Variants in SLC24A4 observed in about 807,000 individuals in gnomAD.
SLC24A4 encodes the protein sodium/potassium/calcium exchanger 4.
SLC24A4 carries 53 observed loss-of-function variants against 79.0 expected under a neutral mutation model. That is an observed-to-expected ratio of 0.67 (90% CI 0.54 to 0.84). The LOEUF is 0.84. SLC24A4 is among the 40% of genes least tolerant of loss of function. The probability of loss-of-function intolerance (pLI) is 0.00; values close to 1 mark genes in which losing one functional copy is unlikely to be tolerated. For synonymous variants in SLC24A4, 323 were observed against 323.8 expected (o/e 1.00, Z 0.03); for missense variants, 731 against 822.0 (o/e 0.89, Z 1.35).
At chr14:92,428,922 T>C (rs1294456261) in intron 2 of SLC24A4, among the ~76,000 whole-genome samples, 1 of 152,212 alleles carries the variant, frequency 6.6e-6, no homozygotes, top group African/African-American at 2.4e-5. Context: ...GAAGCCAGAC[T>C]AAGAAGGCTA....
intron 2 of SLC24A4, among the ~76,000 whole-genome samples, chr14:92,413,302 C>T (rs1205959072): frequency 2.6e-5 from 4 of 152,182 alleles, no homozygotes; most frequent in Non-Finnish European, 4.4e-5. Context: ...AGAACACCTG[C>T]CCAGAATTCC....
chr14:92,425,555 C>G (rs997394370), intron 2 of SLC24A4, among the ~76,000 whole-genome samples: 3 of 152,196 alleles, frequency 2.0e-5, no homozygotes, highest in Non-Finnish European at 2.9e-5. Flanking sequence ...GGTCACAGTC[C>G]TGTTGTCCTG....
chr14:92,490,457 TAGCCTGGTTG>T lies in SLC24A4; in HGVS notation c.1538-1207_1538-1198del, dbSNP rs1344166976. On this transcript the variant is annotated intron_variant, in intron 14 of 16. Coordinates refer to ENST00000532405, the MANE Select transcript of SLC24A4 (RefSeq NM_153646.4). The surrounding 1 kb of genome is among the most constrained non-coding windows in gnomAD (Gnocchi z 4.3). ...TGGGCCCCAGCCTCTGATGTGCTTC[TAGCCTGGTTG>T]GGGAAAGAGAGCTCACCCTTCAGAA... Among the ~76,000 whole-genome samples, 44 of 152,232 alleles carry T rather than the reference TAGCCTGGTTG, an allele frequency of 2.9e-4. No individual in the cohort carries two copies. The highest frequency in any genetic ancestry group is 2.9e-3 in the Admixed American group (44 of 15,284).
intron 15 of SLC24A4, 81 bp from the exon 16 acceptor site, chr14:92,492,094 G>C (rs1444441919): frequency 3.1e-6 from 4 of 1,296,876 alleles, no homozygotes; most frequent in Non-Finnish European, 4.4e-6. Flanking sequence ...GGAATGCATT[G>C]GGCCCAGGCA....
chr14:92,373,674 C>A (rs1487423360), intron 2 of SLC24A4, among the ~76,000 whole-genome samples: 1 of 152,174 alleles, frequency 6.6e-6, no homozygotes, highest in Non-Finnish European at 1.5e-5. Flanking sequence ...GGACGGTGAA[C>A]CCTGTGGGTT....
At chr14:92,362,078 G>C (rs543999012) in intron 2 of SLC24A4, among the ~76,000 whole-genome samples, 1 of 152,106 alleles carries the variant, frequency 6.6e-6, no homozygotes, top group Non-Finnish European at 1.5e-5. Flanking sequence ...GAATAGGTGC[G>C]GTCCCATGAC....
intron 12 of SLC24A4, among the ~76,000 whole-genome samples, chr14:92,470,378 C>G (rs1327712519): frequency 6.6e-6 from 1 of 152,194 alleles, no homozygotes; most frequent in African/African-American, 2.4e-5. Flanking sequence ...TCCCTGCAAA[C>G]CACAGGTTAA....
At position 92,483,707 on chromosome 14, in the gene SLC24A4, TCTTCTC is replaced by T. The variant is rs1257996314; in HGVS notation, c.1422+864_1422+869del. The T allele has an allele frequency of 4.5e-6, 3 of 667,558 alleles. No individual in the cohort carries two copies. In the South Asian group the frequency reaches 7.0e-5, roughly 16 times the overall value. 41.4% of individuals were successfully genotyped at this position (667,558 alleles called of 1,614,324 possible). A position where few individuals can be genotyped will look rare whatever the true frequency, so the allele number is the denominator to read the frequency against. On this transcript the variant is annotated intron_variant, in intron 13 of 16. Coordinates refer to ENST00000532405, the MANE Select transcript of SLC24A4 (RefSeq NM_153646.4). Reference sequence around the variant, plus strand: ...CTGTATACCACCTAATGGGGTCCCTTCTTCTCCTCCTCATTCCCAGGAGCAAAGAGA... The same window carrying T: ...CTGTATACCACCTAATGGGGTCCCTTCTCCTCATTCCCAGGAGCAAAGAGA...
chr14:92,495,786 CA>C lies in SLC24A4; in HGVS notation c.*2159del, dbSNP rs948707512. The C allele has an allele frequency of 6.6e-6, 1 of 152,256 alleles. No homozygotes were observed. The highest frequency in any genetic ancestry group is 1.5e-5 in the Non-Finnish European group (1 of 68,078). 9.4% of individuals were successfully genotyped at this position (152,256 alleles called of 1,614,324 possible). ...CCCAGGCCAGCCTCTGTAAGTTGGCCACACTTGGGGAGTGAGTGTGGGTATG... is the reference window on the plus strand; with the variant it reads ...CCCAGGCCAGCCTCTGTAAGTTGGCCCACTTGGGGAGTGAGTGTGGGTATG... On this transcript the variant is annotated 3_prime_UTR_variant, in exon 17 of 17. Transcript: ENST00000532405.
chr14:92,376,056 CACTT>C lies in SLC24A4; in HGVS notation c.241+50082_241+50085del, dbSNP rs1435604434. ...AGAGACCATTTGGAATCTCATAACACACTTACTATTTCTTCTGTTTGCTGTGAGG... is the reference window on the plus strand; with the variant it reads ...AGAGACCATTTGGAATCTCATAACACACTATTTCTTCTGTTTGCTGTGAGG... On this transcript the variant is annotated intron_variant, in intron 2 of 16. Coordinates refer to ENST00000532405, the MANE Select transcript of SLC24A4 (RefSeq NM_153646.4). 2.6e-5 allele frequency among the ~76,000 whole-genome samples: 4 copies of C among 152,328 alleles called. No homozygotes were observed. In the East Asian group the frequency reaches 5.8e-4, roughly 22 times the overall value.
chr14:92,407,635 GGA>G (rs138849786), intron 2 of SLC24A4, among the ~76,000 whole-genome samples: 1 of 150,942 alleles, frequency 6.6e-6, no homozygotes, highest in African/African-American at 2.4e-5. Context: ...TGGTGGAGCA[GGA>G]GAGAGAGAGA....
intron 2 of SLC24A4, among the ~76,000 whole-genome samples, chr14:92,406,223 C>T (rs1257529031): frequency 6.6e-6 from 1 of 152,260 alleles, no homozygotes; most frequent in African/African-American, 2.4e-5. Flanking sequence ...AAGGGGTGGG[C>T]TCCCATGGCC....
intron 2 of SLC24A4, among the ~76,000 whole-genome samples, chr14:92,411,510 C>T (rs1890710698): frequency 6.6e-6 from 1 of 152,124 alleles, no homozygotes; most frequent in Admixed American, 6.5e-5. Context: ...CTTACTGAAA[C>T]ACGTCTATAG....
intron 2 of SLC24A4, among the ~76,000 whole-genome samples, chr14:92,347,138 C>T (rs1382305550): frequency 1.3e-5 from 2 of 152,190 alleles, no homozygotes; most frequent in Non-Finnish European, 1.5e-5. Context: ...AGAGGCCCTT[C>T]AGCGGGTTCT....
intron 2 of SLC24A4, among the ~76,000 whole-genome samples, chr14:92,360,563 C>T (rs773745201): frequency 2.6e-5 from 4 of 152,206 alleles, no homozygotes; most frequent in African/African-American, 4.8e-5. Context: ...ACCAATAATG[C>T]TCTTACAAAC....
intron 2 of SLC24A4, among the ~76,000 whole-genome samples, chr14:92,433,395 A>G (rs1030849684): frequency 7.2e-5 from 11 of 152,208 alleles, no homozygotes; most frequent in Admixed American, 4.6e-4. Flanking sequence ...TATGAGCAAT[A>G]TGGCTATGAA....
chr14:92,337,561 T>C (rs906031456), intron 2 of SLC24A4, among the ~76,000 whole-genome samples: 10 of 152,224 alleles, frequency 6.6e-5, no homozygotes, highest in African/African-American at 2.4e-4. Context: ...ACATGGATCC[T>C]GGAGCCAAAC....
In SLC24A4 at chr14:92,323,749, C is replaced by T. The variant is rs533972616; in HGVS notation, c.-82C>T. The T allele has an allele frequency of 6.8e-7, 1 of 1,478,676 alleles. No individual in the cohort carries two copies. Among genetic ancestry groups the T allele is most frequent in the South Asian group, 1.3e-5 (1 of 74,974 alleles). The allele number at this position is 1,478,676 out of a possible 1,614,324, so 91.6% of individuals were successfully genotyped here. On this transcript the variant is annotated 5_prime_UTR_variant, in exon 1 of 17. Transcript: ENST00000532405. This position sits in a 1 kb window ranked among gnomAD's most constrained non-coding sequence, Gnocchi z 4.9. ...GAGTCGCGCACCGCCTGCTCCAGCC[C>T]CAGCGCCGCTCGGCCACTGATTGCA...
At chr14:92,430,869 G>A (rs1055400880) in intron 2 of SLC24A4, among the ~76,000 whole-genome samples, 4 of 152,172 alleles carry the variant, frequency 2.6e-5, no homozygotes, top group Admixed American at 6.5e-5. Flanking sequence ...CTCAAAAGCC[G>A]TGTGTATGTT....
Sources: gnomAD v4.1 joint callset for allele counts (sites outside exome capture counted in the v4.1 genomes callset) on GRCh38, gnomAD v4.1.1 for gene constraint, Gnocchi (gnomAD v3.1) non-coding constraint, MANE v1.5 for transcripts, NCBI Gene and HGNC (gene_info 2026-07-23, HGNC 2026-07-21) for gene names.